SMPD1: variants seen among roughly 807,000 people sequenced by gnomAD.
The protein encoded by SMPD1 is sphingomyelin phosphodiesterase 1, also known as sphingomyelin phosphodiesterase.
In SMPD1, 47 loss-of-function variants were observed where a neutral mutation model predicts 49.7. The observed-to-expected ratio is 0.95, with a 90% confidence interval of 0.75 to 1.21. SMPD1 has a LOEUF of 1.21. SMPD1 is among the 50% of genes most tolerant of loss of function. The probability of loss-of-function intolerance (pLI) is 0.00; values close to 1 mark genes in which losing one functional copy is unlikely to be tolerated. For missense variants in SMPD1, 811 were observed against 822.2 expected, an observed-to-expected ratio of 0.99 and a Z score of 0.17; for synonymous variants, 336 against 339.6, an observed-to-expected ratio of 0.99 and a Z score of 0.12.
At position 6,390,918 on chromosome 11, in the gene SMPD1, T is replaced by C. The variant is rs1225462507; in HGVS notation, c.318+2T>C. 6 of 1,613,632 alleles carry C rather than the reference T, an allele frequency of 3.7e-6. No individual in the cohort carries two copies. Among genetic ancestry groups the C allele is most frequent in the Non-Finnish European group, 5.1e-6 (6 of 1,179,932 alleles). On this transcript the variant is annotated splice_donor_variant, in intron 1 of 5. Transcript: ENST00000342245. LOFTEE classifies it high-confidence loss of function. ...ACCGCCATCAACCTCGGGCTGAAGGTGAGCACTGAAGGGGCTGCAGTGGAG... is the reference window on the plus strand; with the variant it reads ...ACCGCCATCAACCTCGGGCTGAAGGCGAGCACTGAAGGGGCTGCAGTGGAG...
Position 6,394,048 on chromosome 11 carries a change from G to C in SMPD1, c.1486+7G>C. ...TACATCGGCCTTAATCCTGGTGAGT[G>C]AGGCAGAAGGGAGCCTCCCTTATCC... On this transcript the variant is annotated splice_region_variant and intron_variant, in intron 5 of 5. Transcript: ENST00000342245. The C allele has an allele frequency of 1.2e-6, 2 of 1,614,188 alleles. No homozygotes were observed. Among genetic ancestry groups the C allele is most frequent in the Non-Finnish European group, 1.7e-6 (2 of 1,180,032 alleles).
In SMPD1 at chr11:6,394,583, G is replaced by T. The variant is rs745425820; in HGVS notation, c.1872G>T (p.Leu624=). The T allele has an allele frequency of 6.2e-7, 1 of 1,603,996 alleles. No homozygotes were observed. The highest frequency in any genetic ancestry group is 8.5e-7 in the Non-Finnish European group (1 of 1,179,948). ...PDGSLPEAQS[L]WPRPLFC is the part of the protein sequence containing the mutation. ...GGAGCCTCCCAGAGGCCCAGAGCCT[G>T]TGGCCAAGGCCACTGTTTTGCTAGG... The change falls in exon 6 of 6, where the codon CTG becomes CTT. Residue 624 remains leucine, a synonymous_variant. Transcript: ENST00000342245.
Position 6,394,653 on chromosome 11 carries a change from T to C in SMPD1, c.*46T>C, listed in dbSNP as rs1198239250. 6 of 1,512,826 alleles carry C rather than the reference T, an allele frequency of 4.0e-6. No homozygotes were observed. The African/African-American group carries it at 5.5e-5, about 14-fold the overall frequency. The allele number at this position is 1,512,826 out of a possible 1,614,324, so 93.7% of individuals were successfully genotyped here. On this transcript the variant is annotated 3_prime_UTR_variant, in exon 6 of 6. Transcript: ENST00000342245. ...GGAAAGTTCTTGATGTAGGAAAGGG[T>C]GAAAAAGCCCAAATGCTGCTGTGGT...
chr11:6,391,320 C>T (rs1037638471), intron 1 of SMPD1, 64 bp from the exon 2 acceptor site: 15 of 1,556,122 alleles, frequency 9.6e-6, no homozygotes, highest in Non-Finnish European at 1.1e-5. Flanking sequence ...GGGTGGTGGC[C>T]AGGGGTTGGC....
chr11:6,393,447 G>A, intron 3 of SMPD1, 60 bp downstream of exon 3: 1 of 1,560,830 alleles, frequency 6.4e-7, no homozygotes, highest in Non-Finnish European at 8.8e-7. Flanking sequence ...CTGTTGAGCT[G>A]GAGCACCTCT....
chr11:6,393,782 C>T (rs1848051913), intron 4 of SMPD1, 89 bp downstream of exon 4: 3 of 1,546,720 alleles, frequency 1.9e-6, no homozygotes, highest in Admixed American at 3.3e-5. Context: ...CCTGTTGTCC[C>T]ATGGAGTGGG....
Position 6,391,594 on chromosome 11 carries a change from A to T in SMPD1, c.529A>T (p.Asn177Tyr), listed in dbSNP as rs535997620. 8.1e-6 allele frequency: 13 copies of T among 1,609,612 alleles called. No individual in the cohort carries two copies. The East Asian group carries it at 2.0e-4, about 25-fold the overall frequency. Residue 177 changes from asparagine (N) to tyrosine (Y), a missense_variant, in exon 2 of 6, where the codon AAC becomes TAC. Transcript: ENST00000342245. ...CGHWDIFSSW[N>Y]ISLPTVPKPP... Reference sequence around the variant, plus strand: ...GCACTGGGACATTTTCTCATCTTGGAACATCTCTTTGCCTACTGTGCCGAA... The same window carrying T: ...GCACTGGGACATTTTCTCATCTTGGTACATCTCTTTGCCTACTGTGCCGAA...
chr11:6,393,722 G>A, intron 4 of SMPD1, 29 bp downstream of exon 4: 1 of 1,595,872 alleles, frequency 6.3e-7, no homozygotes, highest in Non-Finnish European at 8.6e-7. Context: ...TGGGAATAGG[G>A]ACAGGGTGAG....
chr11:6,392,175 A>C lies in SMPD1; in HGVS notation c.1091+19A>C. 1 of 1,614,114 alleles carries C rather than the reference A, an allele frequency of 6.2e-7. No individual in the cohort carries two copies. Among genetic ancestry groups the C allele is most frequent in the Non-Finnish European group, 8.5e-7 (1 of 1,180,006 alleles). ...CCCTCAGGTACTTATCGTCCGTGGA[A>C]ACCCAGGAAGGGAAAAGAAAGGTGA... is the stretch of plus-strand genomic sequence containing the variant. On this transcript the variant is annotated intron_variant, in intron 2 of 5. Coordinates refer to ENST00000342245, the MANE Select transcript of SMPD1 (RefSeq NM_000543.5).
chr11:6,390,987 G>C, intron 1 of SMPD1, 71 bp downstream of exon 1: 1 of 1,570,550 alleles, frequency 6.4e-7, no homozygotes, highest in Non-Finnish European at 8.7e-7. Flanking sequence ...GGCTGATGCT[G>C]GTGCGCTGGG....
rs1848016999 is a variant in SMPD1 at position 6,393,261 on chromosome 11, C to T, written c.1137C>T (p.Leu379=). 6 of 1,613,988 alleles carry T rather than the reference C, an allele frequency of 3.7e-6. No homozygotes were observed. The highest frequency in any genetic ancestry group is 3.4e-6 in the Non-Finnish European group (4 of 1,179,876). The change falls in exon 3 of 6, where the codon CTC becomes CTT. Residue 379 remains leucine, a synonymous_variant. Transcript: ENST00000342245. ...YALSPYPGLR[L]ISLNMNFCSR... is the part of the protein sequence containing the mutation. The stretch of plus-strand genomic sequence containing the variant: ...TTTCCCCATACCCCGGTCTCCGCCT[C>T]ATCTCTCTCAATATGAATTTTTGTT...
Position 6,394,394 on chromosome 11 carries a change from C to T in SMPD1, c.1683C>T (p.Arg561=). 1 of 1,614,246 alleles carries T rather than the reference C, an allele frequency of 6.2e-7. No individual in the cohort carries two copies. The highest frequency in any genetic ancestry group is 8.5e-7 in the Non-Finnish European group (1 of 1,180,046). ...LPTAWHNLVY[R]MRGDMQLFQT... ...CCGCCTGGCACAACCTGGTATATCGCATGCGGGGCGACATGCAACTTTTCC... is the reference window on the plus strand; with the variant it reads ...CCGCCTGGCACAACCTGGTATATCGTATGCGGGGCGACATGCAACTTTTCC... The change falls in exon 6 of 6, where the codon CGC becomes CGT. Residue 561 remains arginine (R), a synonymous_variant. Transcript: ENST00000342245.
chr11:6,394,875 C>T lies in SMPD1; in HGVS notation c.*268C>T, dbSNP rs1848121089. ...GAGTAGAGGCCTAAGTTGACACTGC[C>T]CTGGGCAGACAAGACAGGAGCTGTC... On this transcript the variant is annotated 3_prime_UTR_variant, in exon 6 of 6. Coordinates refer to ENST00000342245, the MANE Select transcript of SMPD1 (RefSeq NM_000543.5). 1 of 538,862 alleles carries T rather than the reference C, an allele frequency of 1.9e-6. No homozygotes were observed. Among genetic ancestry groups the T allele is most frequent in the Non-Finnish European group, 3.3e-6 (1 of 299,832 alleles). 33.4% of individuals were successfully genotyped at this position (538,862 alleles called of 1,614,324 possible). A position where few individuals can be genotyped will look rare whatever the true frequency, so the allele number is the denominator to read the frequency against.
chr11:6,392,771 G>A (rs547413662), intron 2 of SMPD1, among the ~76,000 whole-genome samples: 70 of 152,032 alleles, frequency 4.6e-4, no homozygotes, highest in South Asian at 2.1e-3. Context: ...GGGATTACAG[G>A]CATGAACCAC....
chr11:6,392,220 G>A, intron 2 of SMPD1, 64 bp downstream of exon 2: 1 of 1,585,166 alleles, frequency 6.3e-7, no homozygotes, highest in African/African-American at 1.3e-5. Flanking sequence ...AAGGGAGAAG[G>A]GAACCTGGGG....
At position 6,394,190 on chromosome 11, in the gene SMPD1, C is replaced by A. The variant is rs1318254424; in HGVS notation, c.1487-8C>A. On this transcript the variant is annotated splice_polypyrimidine_tract_variant and splice_region_variant and intron_variant, in intron 5 of 5. Coordinates refer to ENST00000342245, the MANE Select transcript of SMPD1 (RefSeq NM_000543.5). ...CTTGCCCCTCCAGTCAGCCCCACATCCTTGCAGGTTACCGTGTGTACCAAA... is the reference window on the plus strand; with the variant it reads ...CTTGCCCCTCCAGTCAGCCCCACATACTTGCAGGTTACCGTGTGTACCAAA... 6.2e-7 allele frequency: 1 copy of A among 1,614,154 alleles called. No homozygotes were observed. The highest frequency in any genetic ancestry group is 8.5e-7 in the Non-Finnish European group (1 of 1,180,030).
At chr11:6,393,504 G>A in intron 3 of SMPD1, 113 bp from the exon 4 acceptor site, 1 of 1,402,686 alleles carries the variant, frequency 7.1e-7, no homozygotes. Context: ...AGTGTTCCCT[G>A]GGGATTCAGC....
At chr11:6,393,448 G>A in intron 3 of SMPD1, 61 bp downstream of exon 3, 1 of 1,557,668 alleles carries the variant, frequency 6.4e-7, no homozygotes. Flanking sequence ...TGTTGAGCTG[G>A]AGCACCTCTG....
At position 6,393,995 on chromosome 11, in the gene SMPD1, A is replaced by G; in HGVS notation, c.1440A>G (p.Val480=). ...DEETLSRPLA[V]AFLAPSATTY... is the part of the protein sequence containing the mutation. ...AGACTCTGAGCCGGCCGCTGGCTGT[A>G]GCCTTCCTGGCACCCAGTGCAACTA... Residue 480 remains valine, a synonymous_variant, in exon 5 of 6, where the codon GTA becomes GTG. Transcript: ENST00000342245. 1 of 1,614,200 alleles carries G rather than the reference A, an allele frequency of 6.2e-7. No individual in the cohort carries two copies. The highest frequency in any genetic ancestry group is 8.5e-7 in the Non-Finnish European group (1 of 1,180,042).
Sources: gnomAD v4.1 joint callset for allele counts (sites outside exome capture counted in the v4.1 genomes callset) on GRCh38, gnomAD v4.1.1 for gene constraint, MANE v1.5 for transcripts, NCBI Gene and HGNC (gene_info 2026-07-23, HGNC 2026-07-21) for gene names.